Variants in RIF1 observed in about 807,000 individuals in gnomAD.
The protein encoded by RIF1 is replication timing regulatory factor 1, also known as telomere-associated protein RIF1.
A neutral mutation model predicts 247.1 loss-of-function variants in RIF1; 45 were observed. The ratio of observed to expected loss-of-function variants is 0.18; its 90% CI spans 0.14 to 0.23. The LOEUF (loss-of-function observed/expected upper bound fraction) is 0.23, where lower values mean the gene tolerates loss of function less well. Among genes scored for constraint, RIF1 ranks in the 10% least tolerant of loss-of-function variants. RIF1 has a pLI of 1.00. For synonymous variants in RIF1, 1,087 were observed against 978.8 expected (o/e 1.11, Z -2.06); for missense variants, 2,967 against 2,862.5 (o/e 1.04, Z -0.83).
In RIF1 at chr2:151,495,487, G is replaced by A. The variant is rs532535946; in HGVS notation, c.*513+161G>A. ...TTTAGAAGCACTGTACTCAAGTACTGGAGAAACCTACAGATAGTGGAAATG... is the reference window on the plus strand; with the variant it reads ...TTTAGAAGCACTGTACTCAAGTACTAGAGAAACCTACAGATAGTGGAAATG... On this transcript the variant is annotated intron_variant and NMD_transcript_variant, in intron 10 of 13. Transcript: ENST00000454583. Among the ~76,000 whole-genome samples the A allele has an allele frequency of 3.9e-5, 6 of 152,230 alleles. No individual in the cohort carries two copies. The South Asian group carries it at 1.2e-3, about 32-fold the overall frequency.
exon 12 of RIF1, chr2:151,503,051 A>G (rs190990358): frequency 3.4e-6 from 2 of 593,552 alleles, no homozygotes; most frequent in South Asian, 2.3e-5. Flanking sequence ...GATGAACTCT[A>G]CAATGCTAAT....
intron 14 of RIF1, 41 bp downstream of exon 14, chr2:151,438,787 AGGT>A: frequency 8.0e-7 from 1 of 1,250,676 alleles, no homozygotes; most frequent in Non-Finnish European, 1.2e-6. Context: ...TTTTTGAAAC[AGGT>A]GGTGATCAGA....
In RIF1 at chr2:151,462,233, T is replaced by C. The variant is rs193032815; in HGVS notation, c.3228-9T>C. The C allele has an allele frequency of 3.9e-6, 6 of 1,540,268 alleles. No homozygotes were observed. In the African/African-American group the frequency reaches 5.5e-5, roughly 14 times the overall value. The stretch of plus-strand genomic sequence containing the variant: ...GTTTTTGAAGTTACTTATATATAGT[T>C]TTTTTCAGGTGTGATATTCCTGCCA... On this transcript the variant is annotated splice_polypyrimidine_tract_variant and intron_variant, in intron 27 of 35. Coordinates refer to ENST00000444746, the MANE Select transcript of RIF1 (RefSeq NM_018151.5).
In RIF1 at chr2:151,425,418, G is replaced by A. The variant is rs559184641; in HGVS notation, c.786+2376G>A. Among the ~76,000 whole-genome samples, 4 of 151,976 alleles carry A rather than the reference G, an allele frequency of 2.6e-5. No individual in the cohort carries two copies. In the South Asian group the frequency reaches 8.3e-4, roughly 32 times the overall value. On this transcript the variant is annotated intron_variant, in intron 8 of 35. Coordinates refer to ENST00000444746, the MANE Select transcript of RIF1 (RefSeq NM_018151.5). ...TATAATATATATATTTTTTGTTATT[G>A]CTAGTACTTGACATCATATTCATGA...
At chr2:151,459,127 G>A (rs974094328) in intron 25 of RIF1, among the ~76,000 whole-genome samples, 3 of 151,990 alleles carry the variant, frequency 2.0e-5, no homozygotes, top group East Asian at 1.9e-4. Context: ...TTTTGAACTC[G>A]GGTACCTCAT....
chr2:151,445,922 A>C (rs1693185235), intron 19 of RIF1, among the ~76,000 whole-genome samples: 1 of 152,114 alleles, frequency 6.6e-6, no homozygotes, highest in Non-Finnish European at 1.5e-5. Context: ...GTTCTTTTGG[A>C]TCTTTGATAA....
intron 4 of RIF1, among the ~76,000 whole-genome samples, 195 bp downstream of exon 4, chr2:151,415,114 G>C (rs1392648176): frequency 6.6e-6 from 1 of 151,992 alleles, no homozygotes; most frequent in Non-Finnish European, 1.5e-5. Context: ...TTGGGAGGCC[G>C]AGGCGGGTGG....
At position 151,498,260 on chromosome 2, in the gene RIF1, C is replaced by G. The variant is rs763193315; in HGVS notation, c.*514-1085C>G. 3 of 1,550,934 alleles carry G rather than the reference C, an allele frequency of 1.9e-6. No homozygotes were observed. The highest frequency in any genetic ancestry group is 1.4e-5 in the African/African-American group (1 of 72,932). The stretch of plus-strand genomic sequence containing the variant: ...TTTTTCCCCTTTCTTTCCAAAATAC[C>G]GAGCTAAGGTTTTCTTGATTGTGTT... On this transcript the variant is annotated intron_variant and NMD_transcript_variant, in intron 10 of 13. Transcript: ENST00000454583.
chr2:151,456,802 G>A (rs147924917), intron 23 of RIF1, among the ~76,000 whole-genome samples, 182 bp downstream of exon 23: 3,820 of 152,122 alleles, frequency 0.025, 116 homozygotes, highest in East Asian at 0.14. Flanking sequence ...GCAGGATCTC[G>A]GCTCACTGCA....
At chr2:151,445,061 T>C (rs1693012340) in intron 18 of RIF1, among the ~76,000 whole-genome samples, 1 of 152,208 alleles carries the variant, frequency 6.6e-6, no homozygotes, top group South Asian at 2.1e-4. Context: ...CACATGGTAT[T>C]GTTGTCTGTG....
chr2:151,420,214 A>T lies in RIF1; in HGVS notation c.528A>T (p.Gln176His), dbSNP rs1328434663. Residue 176 changes from glutamine to histidine, a missense_variant, in exon 7 of 36, where the codon CAA becomes CAT. Coordinates refer to ENST00000444746, the MANE Select transcript of RIF1 (RefSeq NM_018151.5). ...GGCTAATTGAACAAGCCCCAATTCA[A>T]ATGGGAGAAGAGGCAGTGAGGTGGG... ...IVRLIEQAPI[Q>H]MGEEAVRWAK... 1 of 1,613,854 alleles carries T rather than the reference A, an allele frequency of 6.2e-7. No individual in the cohort carries two copies. Among genetic ancestry groups the T allele is most frequent in the Admixed American group, 1.7e-5 (1 of 60,000 alleles).
In RIF1 at chr2:151,464,765, T is replaced by G; in HGVS notation, c.5245T>G (p.Leu1749Val). The G allele has an allele frequency of 6.2e-7, 1 of 1,613,878 alleles. No individual in the cohort carries two copies. The highest frequency in any genetic ancestry group is 8.5e-7 in the Non-Finnish European group (1 of 1,179,920). ...ACCTCAGGAAAAGTCACTCATTGGG[T>G]TAAAGAATACAGAAAATAATGACGT... ...SQPQEKSLIG[L>V]KNTENNDVEI... is the part of the protein sequence containing the mutation. The change falls in exon 30 of 36, where the codon TTA becomes GTA. Residue 1749 changes from leucine (L) to valine (V), a missense_variant. Coordinates refer to ENST00000444746, the MANE Select transcript of RIF1 (RefSeq NM_018151.5).
intron 35 of RIF1, 21 bp downstream of exon 35, chr2:151,474,093 G>T (rs1436437953): frequency 1.8e-6 from 2 of 1,134,052 alleles, no homozygotes; most frequent in South Asian, 1.3e-5. Context: ...GCAAAAGTGG[G>T]ATAATTTTAT....
rs1403785820 is a variant in RIF1, at chr2:151,437,996, A to C, written c.1483+645A>C. 2.0e-5 allele frequency among the ~76,000 whole-genome samples: 3 copies of C among 152,222 alleles called. No individual in the cohort carries two copies. In the East Asian group the frequency reaches 5.8e-4, roughly 29 times the overall value. ...ATTGTTTGCTCTTTAACTGGTTGGA[A>C]AAAGAATCACAATGAATCACATAAA... On this transcript the variant is annotated intron_variant, in intron 13 of 35. Transcript: ENST00000444746.
At chr2:151,490,082 A>G in intron 9 of RIF1, 1 of 1,596,052 alleles carries the variant, frequency 6.3e-7, no homozygotes. Flanking sequence ...TGTAAGCTGA[A>G]AAAAAGGGGG....
rs200199420 is a variant in RIF1, at chr2:151,438,713, C to T, written c.1513C>T (p.Leu505=). ...DVVVSAIWKE[L]ISLVKSVTES... is the part of the protein sequence containing the mutation. ...GGTTGTCAGTGCTATCTGGAAGGAG[C>T]TAATTAGCTTGGTGAAGTCAGTTAC... The change falls in exon 14 of 36, where the codon CTA becomes TTA. Residue 505 remains leucine, a synonymous_variant. Coordinates refer to ENST00000444746, the MANE Select transcript of RIF1 (RefSeq NM_018151.5). The T allele has an allele frequency of 1.3e-4, 203 of 1,612,928 alleles. No individual in the cohort carries two copies. In the East Asian group the frequency reaches 2.6e-3, roughly 21 times the overall value.
intron 7 of RIF1, among the ~76,000 whole-genome samples, chr2:151,422,493 CT>C (rs1688351047): frequency 1.3e-5 from 2 of 151,000 alleles, no homozygotes; most frequent in East Asian, 2.0e-4. Flanking sequence ...CTTTTGGAGT[CT>C]TTTGGGAAAA....
intron 29 of RIF1, 23 bp downstream of exon 29, chr2:151,462,489 T>A (rs762055622): frequency 6.6e-7 from 1 of 1,516,476 alleles, no homozygotes; most frequent in East Asian, 2.3e-5. Flanking sequence ...TTTCATATTT[T>A]GGGCTTTTTA....
chr2:151,509,906 C>A (rs2072719900), downstream of RIF1, among the ~76,000 whole-genome samples: 1 of 152,154 alleles, frequency 6.6e-6, no homozygotes, highest in South Asian at 2.1e-4. Context: ...CTGCGCCCGA[C>A]CAAGAGTTTT....
Sources: gnomAD v4.1 joint callset for allele counts (sites outside exome capture counted in the v4.1 genomes callset) on GRCh38, gnomAD v4.1.1 for gene constraint, MANE v1.5 for transcripts, NCBI Gene and HGNC (gene_info 2026-07-23, HGNC 2026-07-21) for gene names.